PCDHGA12: variants seen among roughly 807,000 people sequenced by gnomAD.
The protein encoded by PCDHGA12 is protocadherin gamma-A12.
PCDHGA12 carries 43 observed loss-of-function variants against 61.1 expected under a neutral mutation model. The observed-to-expected ratio is 0.70, with a 90% CI of 0.55 to 0.91. PCDHGA12 has a LOEUF of 0.91. PCDHGA12 is among the 40% of genes least tolerant of loss of function. The pLI, the probability that PCDHGA12 is intolerant of heterozygous loss-of-function variation, is 0.00. For missense variants in PCDHGA12, 1,236 were observed against 1,227.7 expected, an observed-to-expected ratio of 1.01 and a Z score of -0.10; for synonymous variants, 520 against 542.9, an observed-to-expected ratio of 0.96 and a Z score of 0.59.
rs1227487225 is a variant in PCDHGA12, at chr5:141,491,275, G to C, written c.2425-3532G>C. The C allele has an allele frequency of 2.5e-6, 4 of 1,614,082 alleles. 1 individual carries two copies. In the South Asian group the frequency reaches 4.4e-5, roughly 18 times the overall value. On this transcript the variant is annotated intron_variant, in intron 1 of 3. Transcript: ENST00000252085. This position sits in a 1 kb window ranked among gnomAD's most constrained non-coding sequence, Gnocchi z 6.9. Reference sequence around the variant, plus strand: ...CCCTGAGGAAATGCCCAAATCCAGTGACTTCCTCATACACCCTCCTGAGCG... The same window carrying C: ...CCCTGAGGAAATGCCCAAATCCAGTCACTTCCTCATACACCCTCCTGAGCG...
At chr5:141,460,983 G>GTGTA (rs1554142949) in intron 1 of PCDHGA12, among the ~76,000 whole-genome samples, 1,579 of 137,794 alleles carry the variant, frequency 0.011, 39 homozygotes, top group African/African-American at 0.038. Context: ...GTGTGTGTGT[G>GTGTA]TATATATATA....
Position 141,486,971 on chromosome 5 carries a change from T to G in PCDHGA12, c.2425-7836T>G. ...AAAGGTGACTGCTGTGGACTTGGAT[T>G]CAGGTTACAATGCTTGGGTTTCCTA... On this transcript the variant is annotated intron_variant, in intron 1 of 3. Transcript: ENST00000252085. The surrounding 1 kb of genome is among the most constrained non-coding windows in gnomAD (Gnocchi z 5.0). The G allele has an allele frequency of 6.2e-7, 1 of 1,614,220 alleles. No homozygotes were observed. The highest frequency in any genetic ancestry group is 8.5e-7 in the Non-Finnish European group (1 of 1,180,042).
At position 141,489,180 on chromosome 5, in the gene PCDHGA12, C is replaced by G. The variant is rs942218118; in HGVS notation, c.2425-5627C>G. On this transcript the variant is annotated intron_variant, in intron 1 of 3. Transcript: ENST00000252085. This position sits in a 1 kb window ranked among gnomAD's most constrained non-coding sequence, Gnocchi z 4.5. ...GACTTCAGCTGCTGCATTCCAAGCC[C>G]TGGGTCTACCTTGGAGACAGGACAG... The G allele has an allele frequency of 1.8e-5, 23 of 1,259,630 alleles. No homozygotes were observed. In the South Asian group the frequency reaches 3.0e-4, roughly 17 times the overall value. The allele number at this position is 1,259,630 out of a possible 1,614,324, so 78.0% of individuals were successfully genotyped here.
rs1348297963 is a variant in PCDHGA12, at chr5:141,487,103, G to A, written c.2425-7704G>A. 6.2e-7 allele frequency: 1 copy of A among 1,614,124 alleles called. No individual in the cohort carries two copies. Among genetic ancestry groups the A allele is most frequent in the Non-Finnish European group, 8.5e-7 (1 of 1,180,000 alleles). On this transcript the variant is annotated intron_variant, in intron 1 of 3. Coordinates refer to ENST00000252085, the MANE Select transcript of PCDHGA12 (RefSeq NM_003735.3). The surrounding 1 kb of genome is among the most constrained non-coding windows in gnomAD (Gnocchi z 5.0). ...AGCTGACCTCCCACCACAGAAGCTG[G>A]TCATTGTGGTAAAGGATAGTGGTAG...
Position 141,476,114 on chromosome 5 carries a change from G to A in PCDHGA12, c.2425-18693G>A. Reference sequence around the variant, plus strand: ...CCGCTGAGAGGAACTGCTTTTGAGTGAGATGGTCCCAGAGGCCTGGAGGAG... The same window carrying A: ...CCGCTGAGAGGAACTGCTTTTGAGTAAGATGGTCCCAGAGGCCTGGAGGAG... On this transcript the variant is annotated intron_variant, in intron 1 of 3. Coordinates refer to ENST00000252085, the MANE Select transcript of PCDHGA12 (RefSeq NM_003735.3). The surrounding 1 kb of genome is among the most constrained non-coding windows in gnomAD (Gnocchi z 7.6). 6.3e-7 allele frequency: 1 copy of A among 1,592,296 alleles called. No individual in the cohort carries two copies. The highest frequency in any genetic ancestry group is 8.5e-7 in the Non-Finnish European group (1 of 1,171,536).
chr5:141,491,143 C>A lies in PCDHGA12; in HGVS notation c.2425-3664C>A. 1.2e-6 allele frequency: 2 copies of A among 1,614,142 alleles called. No homozygotes were observed. Among genetic ancestry groups the A allele is most frequent in the South Asian group, 1.1e-5 (1 of 91,082 alleles). On this transcript the variant is annotated intron_variant, in intron 1 of 3. Transcript: ENST00000252085. This position sits in a 1 kb window ranked among gnomAD's most constrained non-coding sequence, Gnocchi z 6.9. ...TGAGGTGCGCACAGCCCGGGCCTTA[C>A]TGGAGGATGACTCTGACACCCAGCA... is the stretch of plus-strand genomic sequence containing the variant.
At position 141,487,074 on chromosome 5, in the gene PCDHGA12, T is replaced by C; in HGVS notation, c.2425-7733T>C. The C allele has an allele frequency of 6.2e-7, 1 of 1,614,104 alleles. No homozygotes were observed. The highest frequency in any genetic ancestry group is 8.5e-7 in the Non-Finnish European group (1 of 1,179,978). Reference sequence around the variant, plus strand: ...GGGGAGGTGCGGACGGCTGTTCCTATCCCAGCTGACCTCCCACCACAGAAG... The same window carrying C: ...GGGGAGGTGCGGACGGCTGTTCCTACCCCAGCTGACCTCCCACCACAGAAG... On this transcript the variant is annotated intron_variant, in intron 1 of 3. Transcript: ENST00000252085. The surrounding 1 kb of genome is among the most constrained non-coding windows in gnomAD (Gnocchi z 5.0).
rs1027897777 is a variant in PCDHGA12, at chr5:141,510,812, C to T, written c.2573-135C>T. 151 of 1,531,674 alleles carry T rather than the reference C, an allele frequency of 9.9e-5. 1 individual carries two copies. The highest frequency in any genetic ancestry group is 2.5e-5 in the South Asian group (2 of 80,152). 94.9% of individuals were successfully genotyped at this position (1,531,674 alleles called of 1,614,324 possible). A position where few individuals can be genotyped will look rare whatever the true frequency, so the allele number is the denominator to read the frequency against. On this transcript the variant is annotated intron_variant, in intron 3 of 3. Coordinates refer to ENST00000252085, the MANE Select transcript of PCDHGA12 (RefSeq NM_003735.3). ...TGTGAAGAGAGACTACCTTGGTGAC[C>T]CCTATATTCCCAGTGCTCAGCGTGG...
In PCDHGA12 at chr5:141,486,587, G is replaced by A. The variant is rs2099631441; in HGVS notation, c.2425-8220G>A. 6.2e-7 allele frequency: 1 copy of A among 1,613,478 alleles called. No homozygotes were observed. The highest frequency in any genetic ancestry group is 1.7e-5 in the Admixed American group (1 of 60,014). On this transcript the variant is annotated intron_variant, in intron 1 of 3. Coordinates refer to ENST00000252085, the MANE Select transcript of PCDHGA12 (RefSeq NM_003735.3). The surrounding 1 kb of genome is among the most constrained non-coding windows in gnomAD (Gnocchi z 5.0). ...TGTTCCTGAGAACAATCGCCCAGGGGACCTGCTTTGCTCCCTTGCAGCCTC... is the reference window on the plus strand; with the variant it reads ...TGTTCCTGAGAACAATCGCCCAGGGAACCTGCTTTGCTCCCTTGCAGCCTC...
At chr5:141,449,349 G>A (rs191322076) in intron 1 of PCDHGA12, among the ~76,000 whole-genome samples, 2 of 151,956 alleles carry the variant, frequency 1.3e-5, no homozygotes, top group African/African-American at 4.8e-5. Flanking sequence ...GCTCACTCCT[G>A]TAATCCCAGC....
chr5:141,487,013 C>T lies in PCDHGA12; in HGVS notation c.2425-7794C>T. ...GGTTTCCTATCAGCTCCTGGAGGCC[C>T]CAGATCCCAGCCTGTTTGCAGTCTC... On this transcript the variant is annotated intron_variant, in intron 1 of 3. Coordinates refer to ENST00000252085, the MANE Select transcript of PCDHGA12 (RefSeq NM_003735.3). The surrounding 1 kb of genome is among the most constrained non-coding windows in gnomAD (Gnocchi z 5.0). The T allele has an allele frequency of 1.2e-6, 2 of 1,614,220 alleles. No individual in the cohort carries two copies. Among genetic ancestry groups the T allele is most frequent in the Non-Finnish European group, 1.7e-6 (2 of 1,180,040 alleles).
chr5:141,438,789 G>C (rs970735448), intron 1 of PCDHGA12, among the ~76,000 whole-genome samples: 23 of 149,578 alleles, frequency 1.5e-4, no homozygotes, highest in African/African-American at 5.4e-4. Flanking sequence ...AGCCTCTCCA[G>C]TAGCTGGGAT....
Position 141,431,915 on chromosome 5 carries a change from A to G in PCDHGA12, c.1156A>G (p.Ile386Val). 1 of 1,614,040 alleles carries G rather than the reference A, an allele frequency of 6.2e-7. No homozygotes were observed. The highest frequency in any genetic ancestry group is 8.5e-7 in the Non-Finnish European group (1 of 1,179,854). Residue 386 changes from isoleucine to valine, a missense_variant, in exon 1 of 4, where the codon ATC (isoleucine) becomes GTC (valine). Coordinates refer to ENST00000252085, the MANE Select transcript of PCDHGA12 (RefSeq NM_003735.3). The surrounding 1 kb of genome is among the most constrained non-coding windows in gnomAD (Gnocchi z 4.8). ...GGAAAACGGACAGGTGATCTGTTTC[A>G]TCCAAGGAAATCTGCCCTTTAAATT... ...SEENGQVICF[I>V]QGNLPFKLEK... is the part of the protein sequence containing the mutation.
intron 1 of PCDHGA12, among the ~76,000 whole-genome samples, chr5:141,442,945 C>G (rs1000311671): frequency 1.8e-4 from 28 of 152,150 alleles, no homozygotes; most frequent in African/African-American, 6.3e-4. Context: ...GAAACTTCCT[C>G]TCACTGCAAA....
rs958652662 is a variant in PCDHGA12, at chr5:141,494,839, T to C, written c.2457T>C (p.Ser819=). 6.2e-7 allele frequency: 1 copy of C among 1,614,106 alleles called. No individual in the cohort carries two copies. Among genetic ancestry groups the C allele is most frequent in the Non-Finnish European group, 8.5e-7 (1 of 1,180,016 alleles). ...QAPPNTDWRF[S]QAQRPGTSGS... ...CGCCCAACACGGACTGGCGTTTCTC[T>C]CAGGCCCAGAGACCCGGCACCAGCG... The change falls in exon 2 of 4, where the codon TCT becomes TCC. Residue 819 remains serine (S), a synonymous_variant. Coordinates refer to ENST00000252085, the MANE Select transcript of PCDHGA12 (RefSeq NM_003735.3).
chr5:141,447,919 C>G (rs940570932), intron 1 of PCDHGA12, among the ~76,000 whole-genome samples: 2 of 152,012 alleles, frequency 1.3e-5, no homozygotes, highest in East Asian at 1.9e-4. Context: ...AACTCTGTCT[C>G]CACTAAAAAT....
chr5:141,459,687 G>A (rs191874235), intron 1 of PCDHGA12, among the ~76,000 whole-genome samples: 15 of 152,278 alleles, frequency 9.9e-5, no homozygotes, highest in Admixed American at 2.0e-4. Context: ...TGCATAAAGC[G>A]TTCCGCTTGC....
chr5:141,492,552 T>A (rs1444534113), intron 1 of PCDHGA12, among the ~76,000 whole-genome samples: 1 of 152,084 alleles, frequency 6.6e-6, no homozygotes, highest in African/African-American at 2.4e-5. Context: ...CCGGGTCGCC[T>A]GGGGGGCGGC....
intron 2 of PCDHGA12, among the ~76,000 whole-genome samples, chr5:141,497,603 G>A (rs1045138662): frequency 3.3e-5 from 5 of 149,832 alleles, no homozygotes; most frequent in Non-Finnish European, 7.4e-5. Context: ...GCAGTGGTGC[G>A]ATCTTGGCTC....
Sources: gnomAD v4.1 joint callset for allele counts (sites outside exome capture counted in the v4.1 genomes callset) on GRCh38, gnomAD v4.1.1 for gene constraint, Gnocchi (gnomAD v3.1) non-coding constraint, MANE v1.5 for transcripts, NCBI Gene and HGNC (gene_info 2026-07-23, HGNC 2026-07-21) for gene names.